CHD1: variants seen among roughly 807,000 people sequenced by gnomAD.
CHD1 encodes chromodomain helicase DNA binding protein 1.
Under a neutral mutation model 224.2 loss-of-function variants are expected in CHD1, and 36 were observed. The observed-to-expected ratio is 0.16, with a 90% confidence interval of 0.12 to 0.21. The LOEUF (loss-of-function observed/expected upper bound fraction) is 0.21, where lower values mean the gene tolerates loss of function less well. Ranked by LOEUF, CHD1 falls within the 10% of genes least tolerant of loss-of-function variation. CHD1 has a pLI of 1.00. For synonymous variants in CHD1, 668 were observed against 658.3 expected, an observed-to-expected ratio of 1.01 and a Z score of -0.23; for missense variants, 1,378 against 1,994.8, an observed-to-expected ratio of 0.69 and a Z score of 5.89.
intron 15 of CHD1, 112 bp downstream of exon 15, chr5:98,892,413 G>T (rs1317869620): frequency 1.1e-5 from 7 of 647,196 alleles, no homozygotes. Flanking sequence ...CTCGAGAATT[G>T]CAACTGCTCT....
intron 2 of CHD1, among the ~76,000 whole-genome samples, chr5:98,922,461 G>C (rs879074470): frequency 6.6e-6 from 1 of 151,964 alleles, no homozygotes; most frequent in Admixed American, 6.6e-5. Flanking sequence ...GAGATCTCCA[G>C]ACAGAAAGAA....
chr5:98,899,375 G>T, intron 8 of CHD1, 105 bp downstream of exon 8: 2 of 730,850 alleles, frequency 2.7e-6, no homozygotes, highest in Non-Finnish European at 4.4e-6. Context: ...AAAGTCTATA[G>T]CTATTTTAGG....
chr5:98,901,816 ATTATTT>A (rs1484561266), intron 5 of CHD1, among the ~76,000 whole-genome samples: 1 of 151,874 alleles, frequency 6.6e-6, no homozygotes, highest in Non-Finnish European at 1.5e-5. Flanking sequence ...TACCTGTATT[ATTATTT>A]TTAGTCTATT....
intron 2 of CHD1, among the ~76,000 whole-genome samples, chr5:98,918,639 G>A (rs899068650): frequency 8.6e-5 from 13 of 150,518 alleles, no homozygotes; most frequent in Non-Finnish European, 4.4e-5. Flanking sequence ...ATGGTGACGC[G>A]TGCCTGTAAT....
chr5:98,923,883 T>A (rs565831562), intron 2 of CHD1, among the ~76,000 whole-genome samples: 2 of 152,330 alleles, frequency 1.3e-5, no homozygotes, highest in South Asian at 4.1e-4. Flanking sequence ...GAGTCTTATC[T>A]CCTATTTTAT....
intron 32 of CHD1, among the ~76,000 whole-genome samples, chr5:98,862,496 C>T (rs540443508): frequency 2.0e-5 from 3 of 152,220 alleles, no homozygotes; most frequent in East Asian, 1.9e-4. Context: ...TATAACAAAC[C>T]GAATTTGAAA....
intron 2 of CHD1, among the ~76,000 whole-genome samples, chr5:98,925,574 T>A (rs1040348687): frequency 6.6e-6 from 1 of 152,234 alleles, no homozygotes; most frequent in Non-Finnish European, 1.5e-5. Flanking sequence ...ATAATGCATA[T>A]AACTACATGG....
At chr5:98,912,579 G>A (rs1561541432) in intron 2 of CHD1, among the ~76,000 whole-genome samples, 1 of 152,088 alleles carries the variant, frequency 6.6e-6, no homozygotes, top group African/African-American at 2.4e-5. Context: ...GCTGAGGCAC[G>A]GGAATCACTA....
chr5:98,899,799 T>C, intron 7 of CHD1, 94 bp from the exon 8 acceptor site: 1 of 788,362 alleles, frequency 1.3e-6, no homozygotes, highest in Non-Finnish European at 2.1e-6. Flanking sequence ...TACAAAAATA[T>C]ATACTCTTTT....
At chr5:98,928,034 T>C (rs72775632) in intron 1 of CHD1, among the ~76,000 whole-genome samples, 277 of 152,178 alleles carry the variant, frequency 1.8e-3, no homozygotes, top group Non-Finnish European at 2.4e-3. Flanking sequence ...TCCTCACTCA[T>C]CCATCCAGCG....
intron 24 of CHD1, among the ~76,000 whole-genome samples, chr5:98,875,430 G>A (rs972283644): frequency 1.3e-5 from 2 of 152,138 alleles, no homozygotes; most frequent in African/African-American, 4.8e-5. Context: ...ACCACAGGAA[G>A]TGTCTCCACA....
chr5:98,868,554 C>G lies in CHD1; in HGVS notation c.4189G>C (p.Gly1397Arg), dbSNP rs781022370. 1 of 1,612,936 alleles carries G rather than the reference C, an allele frequency of 6.2e-7. No homozygotes were observed. The highest frequency in any genetic ancestry group is 1.1e-5 in the South Asian group (1 of 90,778). ...SDAPVHITAS[G>R]EPVPISEESE... ...TCTTCAGAAATGGGAACTGGTTCAC[C>G]ACTTGCCGTGATATGAACTGGAGCA... The change falls in exon 31 of 36, where the codon GGT (glycine) becomes CGT (arginine). Residue 1397 changes from glycine to arginine, a missense_variant. By Grantham distance (125) the Gly-to-Arg change is moderately radical (BLOSUM62 -2). Transcript: ENST00000614616.
At chr5:98,906,145 A>G (rs1049295023) in intron 2 of CHD1, among the ~76,000 whole-genome samples, 1 of 152,200 alleles carries the variant, frequency 6.6e-6, no homozygotes, top group Non-Finnish European at 1.5e-5. Flanking sequence ...CAGAGAAATA[A>G]AAGTTTGCAG....
At chr5:98,876,684 A>G (rs990181041) in intron 23 of CHD1, 126 bp from the exon 24 acceptor site, 3 of 791,460 alleles carry the variant, frequency 3.8e-6, no homozygotes, top group Non-Finnish European at 5.9e-6. Flanking sequence ...CATTCCATAA[A>G]CAAAATTAAA....
chr5:98,868,444 A>G (rs1749068150), intron 31 of CHD1, 51 bp downstream of exon 31: 11 of 1,517,118 alleles, frequency 7.3e-6, no homozygotes, highest in Non-Finnish European at 9.7e-6. Flanking sequence ...ACAAACTTCA[A>G]CTTAAATGTT....
intron 2 of CHD1, among the ~76,000 whole-genome samples, chr5:98,911,143 AAAAATATATATATATAT>A (rs1284197000): frequency 2.7e-5 from 3 of 112,532 alleles, no homozygotes; most frequent in Admixed American, 8.8e-5. Flanking sequence ...AAAAAAAAAA[AAAAATATATATATATAT>A]ATATATATAT....
intron 32 of CHD1, among the ~76,000 whole-genome samples, 192 bp downstream of exon 32, chr5:98,863,216 T>C (rs539595455): frequency 2.0e-5 from 3 of 152,062 alleles, no homozygotes; most frequent in East Asian, 1.9e-4. Context: ...TTACATACCA[T>C]GATACATAAG....
intron 7 of CHD1, 115 bp from the exon 8 acceptor site, chr5:98,899,820 T>C (rs915859771): frequency 1.3e-5 from 9 of 675,396 alleles, no homozygotes; most frequent in Non-Finnish European, 2.2e-5. Context: ...AAATAAAGTA[T>C]TGGGGGTATA....
chr5:98,855,321 A>T lies in CHD1; in HGVS notation c.*1059T>A, dbSNP rs1360609552. On this transcript the variant is annotated 3_prime_UTR_variant, in exon 36 of 36. Transcript: ENST00000614616. ...ATCTAAAATGTTAACCTGGCTGCAT[A>T]GCACATTTGACATTATTGCCCACAT... The T allele has an allele frequency of 6.6e-6, 1 of 152,594 alleles. No homozygotes were observed. The highest frequency in any genetic ancestry group is 6.5e-5 in the Admixed American group (1 of 15,270). The allele number at this position is 152,594 out of a possible 1,614,324, so 9.5% of individuals were successfully genotyped here. A position where few individuals can be genotyped will look rare whatever the true frequency, so the allele number is the denominator to read the frequency against.
Sources: gnomAD v4.1 joint callset for allele counts (sites outside exome capture counted in the v4.1 genomes callset) on GRCh38, gnomAD v4.1.1 for gene constraint, MANE v1.5 for transcripts, NCBI Gene and HGNC (gene_info 2026-07-23, HGNC 2026-07-21) for gene names.